The following GRIA1 variants were observed in gnomAD, a reference collection of about 807,000 sequenced individuals.
GRIA1 encodes glutamate ionotropic receptor AMPA type subunit 1.
GRIA1 carries 31 observed loss-of-function variants against 99.2 expected under a neutral mutation model. The ratio of observed to expected loss-of-function variants is 0.31; its 90% CI spans 0.23 to 0.42. The LOEUF is 0.42. Among genes scored for constraint, GRIA1 ranks in the 10% least tolerant of loss-of-function variants. The pLI, the probability that GRIA1 is intolerant of heterozygous loss-of-function variation, is 1.00. For synonymous variants in GRIA1, 438 were observed against 432.4 expected, an observed-to-expected ratio of 1.01 and a Z score of -0.16; for missense variants, 782 against 1,157.5, an observed-to-expected ratio of 0.68 and a Z score of 4.71.
chr5:153,767,769 A>G (rs1763616397), intron 12 of GRIA1, among the ~76,000 whole-genome samples: 1 of 152,186 alleles, frequency 6.6e-6, no homozygotes, highest in Non-Finnish European at 1.5e-5. Context: ...TTTAATTAAG[A>G]TGTATGAAGA....
At chr5:153,690,497 A>G (rs1225298403) in intron 8 of GRIA1, among the ~76,000 whole-genome samples, 1 of 152,152 alleles carries the variant, frequency 6.6e-6, no homozygotes, top group Non-Finnish European at 1.5e-5. Context: ...GAATAAGACA[A>G]TGCCTGTTAC....
chr5:153,490,508 C>T (rs1200926967), upstream of GRIA1: 2 of 250,940 alleles, frequency 8.0e-6, no homozygotes, highest in Admixed American at 5.1e-5. Flanking sequence ...TCCAAGCTAG[C>T]TCGGTGGGTA....
chr5:153,586,346 A>G (rs543346128), intron 2 of GRIA1, among the ~76,000 whole-genome samples: 1 of 152,346 alleles, frequency 6.6e-6, no homozygotes, highest in South Asian at 2.1e-4. Context: ...TTCTCACAAT[A>G]ACTCGGTTAG....
chr5:153,607,062 T>TAC (rs1203986118), intron 2 of GRIA1, among the ~76,000 whole-genome samples: 1 of 147,554 alleles, frequency 6.8e-6, no homozygotes, highest in Non-Finnish European at 1.5e-5. Flanking sequence ...TATATATATA[T>TAC]ATATATAATC....
intron 2 of GRIA1, among the ~76,000 whole-genome samples, chr5:153,572,674 C>A (rs1762215049): frequency 6.6e-6 from 1 of 152,150 alleles, no homozygotes; most frequent in South Asian, 2.1e-4. Context: ...ACCCTTATTG[C>A]ATGATTTCAT....
chr5:153,505,722 C>G (rs962081398), intron 2 of GRIA1, among the ~76,000 whole-genome samples: 1 of 152,214 alleles, frequency 6.6e-6, no homozygotes, highest in Non-Finnish European at 1.5e-5. Context: ...TTGGAAATGA[C>G]AGACATAGTC....
At chr5:153,552,972 C>T (rs1051438346) in intron 2 of GRIA1, among the ~76,000 whole-genome samples, 9 of 152,078 alleles carry the variant, frequency 5.9e-5, no homozygotes, top group Non-Finnish European at 1.0e-4. Context: ...GCTATGTTGC[C>T]CTGGCTGGTT....
intron 1 of GRIA1, among the ~76,000 whole-genome samples, chr5:153,492,638 C>A (rs978893675): frequency 2.0e-5 from 3 of 151,930 alleles, no homozygotes; most frequent in Non-Finnish European, 4.4e-5. Flanking sequence ...AAGTGTTTGT[C>A]TAGTATATTT....
chr5:153,737,290 TAAAAAAAA>T (rs35443126), intron 11 of GRIA1, among the ~76,000 whole-genome samples: 7 of 74,080 alleles, frequency 9.4e-5, no homozygotes, highest in Non-Finnish European at 1.6e-4. Flanking sequence ...GCAACCCCGG[TAAAAAAAA>T]AAAAAAAAAA....
At chr5:153,733,467 G>C (rs1316881041) in intron 11 of GRIA1, among the ~76,000 whole-genome samples, 1 of 151,968 alleles carries the variant, frequency 6.6e-6, no homozygotes, top group Non-Finnish European at 1.5e-5. Flanking sequence ...CTACAAAACA[G>C]CCAGAAACAA....
rs567255546 is a variant in GRIA1, at chr5:153,709,820, A to C, written c.1823+3753A>C. Among the ~76,000 whole-genome samples, 17 of 152,336 alleles carry C rather than the reference A, an allele frequency of 1.1e-4. No individual in the cohort carries two copies. The South Asian group carries it at 3.3e-3, about 30-fold the overall frequency. ...TTTCTCATTGGTCAGGACAGTGGCC[A>C]TGATTATTTCTAGTGGCAAGAGAGG... On this transcript the variant is annotated intron_variant, in intron 11 of 15. Transcript: ENST00000285900.
intron 11 of GRIA1, among the ~76,000 whole-genome samples, chr5:153,735,026 T>C (rs1314227118): frequency 1.3e-5 from 2 of 152,144 alleles, no homozygotes; most frequent in Non-Finnish European, 2.9e-5. Context: ...GAGCTACTGG[T>C]GTCTAATGGG....
intron 11 of GRIA1, among the ~76,000 whole-genome samples, chr5:153,724,581 T>C (rs1016468758): frequency 3.3e-5 from 5 of 151,998 alleles, no homozygotes; most frequent in Admixed American, 2.0e-4. Flanking sequence ...AGCCAAGGCT[T>C]GAGAACTACG....
intron 7 of GRIA1, among the ~76,000 whole-genome samples, chr5:153,684,097 A>G (rs1031288295): frequency 6.6e-6 from 1 of 152,298 alleles, no homozygotes; most frequent in Non-Finnish European, 1.5e-5. Flanking sequence ...TGCCTCTGCC[A>G]CTGGTTAGTC....
chr5:153,715,068 A>C (rs1759573609), intron 11 of GRIA1, among the ~76,000 whole-genome samples: 1 of 152,190 alleles, frequency 6.6e-6, no homozygotes, highest in Admixed American at 6.5e-5. Context: ...AAGGAATTTA[A>C]AAAGAAGCTC....
Position 153,776,995 on chromosome 5 carries a change from T to C in GRIA1, c.2270+6580T>C, listed in dbSNP as rs1321027581. On this transcript the variant is annotated intron_variant, in intron 13 of 15. Coordinates refer to ENST00000285900, the MANE Select transcript of GRIA1 (RefSeq NM_000827.4). ...AGAATCACATTGACCCAGAAAATAA[T>C]TGGGAAACAAATAAGCAAGTGCTTT... 3.3e-5 allele frequency among the ~76,000 whole-genome samples: 5 copies of C among 152,176 alleles called. No individual in the cohort carries two copies. The East Asian group carries it at 7.7e-4, about 23-fold the overall frequency.
In GRIA1 at chr5:153,655,484, C is replaced by T. The variant is rs117240779; in HGVS notation, c.646-335C>T. ...CAAGGAAGGTTTATGAAAGAAAGAA[C>T]GCAGTGAGCATTTCAGATGGGTCCT... On this transcript the variant is annotated intron_variant, in intron 4 of 15. Coordinates refer to ENST00000285900, the MANE Select transcript of GRIA1 (RefSeq NM_000827.4). 4.6e-4 allele frequency among the ~76,000 whole-genome samples: 70 copies of T among 152,274 alleles called. No homozygotes were observed. The East Asian group carries it at 8.1e-3, about 18-fold the overall frequency.
At chr5:153,640,774 C>A (rs1321446843) in intron 2 of GRIA1, among the ~76,000 whole-genome samples, 1 of 152,086 alleles carries the variant, frequency 6.6e-6, no homozygotes, top group East Asian at 1.9e-4. Flanking sequence ...ATTGTGGTAC[C>A]CCAATTTTCT....
At chr5:153,707,819 G>C (rs970679955) in intron 11 of GRIA1, among the ~76,000 whole-genome samples, 2 of 151,998 alleles carry the variant, frequency 1.3e-5, no homozygotes, top group African/African-American at 2.4e-5. Context: ...AGAAGACAGT[G>C]GGGGGTGGGG....
Sources: gnomAD v4.1 joint callset for allele counts (sites outside exome capture counted in the v4.1 genomes callset) on GRCh38, gnomAD v4.1.1 for gene constraint, MANE v1.5 for transcripts, NCBI Gene and HGNC (gene_info 2026-07-23, HGNC 2026-07-21) for gene names.